The following FYN variants were observed in gnomAD, a reference collection of about 807,000 sequenced individuals.
The protein encoded by FYN is FYN proto-oncogene, Src family tyrosine kinase.
In FYN, 10 loss-of-function variants were observed where a neutral mutation model predicts 70.2. The observed-to-expected ratio is 0.14, with a 90% confidence interval of 0.09 to 0.24. The LOEUF is 0.24. Among genes scored for constraint, FYN ranks in the 10% least tolerant of loss-of-function variants. The pLI is 1.00. For synonymous variants in FYN, 236 were observed against 248.6 expected (o/e 0.95, Z 0.48); for missense variants, 319 against 673.1 (o/e 0.47, Z 5.82).
chr6:111,805,702 C>G (rs766323881), intron 2 of FYN, among the ~76,000 whole-genome samples: 1 of 152,170 alleles, frequency 6.6e-6, no homozygotes, highest in African/African-American at 2.4e-5. Context: ...TCCCCCTTCC[C>G]TTGGTTGAAC....
chr6:111,713,847 T>C (rs804183), intron 5 of FYN, among the ~76,000 whole-genome samples: 59,479 of 152,162 alleles, frequency 0.39, 16,444 homozygotes, highest in African/African-American at 0.78. Context: ...CCCAAATTTT[T>C]GTTATAGGGA....
chr6:111,699,754 G>A, intron 9 of FYN: 1 of 1,320,046 alleles, frequency 7.6e-7, no homozygotes, highest in Non-Finnish European at 1.0e-6. Flanking sequence ...AAGGTGACTT[G>A]CCCGTTAGGA....
intron 4 of FYN, among the ~76,000 whole-genome samples, chr6:111,717,753 T>C (rs1325377135): frequency 6.6e-6 from 1 of 152,188 alleles, no homozygotes; most frequent in Non-Finnish European, 1.5e-5. Flanking sequence ...CATGAGCTAC[T>C]GCACCCGGCC....
chr6:111,833,200 G>GT (rs1429021167), intron 2 of FYN, among the ~76,000 whole-genome samples: 5 of 152,122 alleles, frequency 3.3e-5, no homozygotes, highest in African/African-American at 4.8e-5. Flanking sequence ...CTCAGGTCAA[G>GT]TGAATGAGCA....
intron 2 of FYN, among the ~76,000 whole-genome samples, chr6:111,826,473 T>C (rs890703632): frequency 2.6e-5 from 4 of 152,212 alleles, no homozygotes; most frequent in Non-Finnish European, 5.9e-5. Flanking sequence ...TGTTTATCCC[T>C]TCTACATTCA....
In FYN at chr6:111,792,254, T is replaced by A. The variant is rs558600941; in HGVS notation, c.-81-11619A>T. On this transcript the variant is annotated intron_variant, in intron 2 of 13. Transcript: ENST00000354650. ...ATAAACATATAAAAAGATGCTCTAA[T>A]TCAGCCATCAAATAAAAGCAAATTA... Among the ~76,000 whole-genome samples the A allele has an allele frequency of 8.5e-5, 13 of 152,296 alleles. No individual in the cohort carries two copies. In the South Asian group the frequency reaches 2.7e-3, roughly 32 times the overall value.
chr6:111,694,583 A>C lies in FYN; in HGVS notation c.1119+45T>G, dbSNP rs1410249260. The C allele has an allele frequency of 6.2e-7, 1 of 1,613,794 alleles. No individual in the cohort carries two copies. The highest frequency in any genetic ancestry group is 8.5e-7 in the Non-Finnish European group (1 of 1,179,752). On this transcript the variant is annotated intron_variant, in intron 11 of 13. Transcript: ENST00000354650. This position sits in a 1 kb window ranked among gnomAD's most constrained non-coding sequence, Gnocchi z 5.0. ...ACACCACGACCCAATGTACTTAGAC[A>C]CGTCATTAAATCTATGGCACATCAA... is the stretch of plus-strand genomic sequence containing the variant.
At chr6:111,739,913 T>C (rs1801880866) in intron 3 of FYN, among the ~76,000 whole-genome samples, 1 of 152,184 alleles carries the variant, frequency 6.6e-6, no homozygotes, top group Non-Finnish European at 1.5e-5. Context: ...AACCTCTGTC[T>C]CCTGGGTTCA....
chr6:111,796,232 T>C (rs1198861394), intron 2 of FYN, among the ~76,000 whole-genome samples: 1 of 152,242 alleles, frequency 6.6e-6, no homozygotes, highest in African/African-American at 2.4e-5. Context: ...CCAATCTAAG[T>C]ACAGCCATGT....
At chr6:111,748,717 A>G (rs908709055) in intron 3 of FYN, among the ~76,000 whole-genome samples, 4 of 152,208 alleles carry the variant, frequency 2.6e-5, no homozygotes, top group Non-Finnish European at 4.4e-5. Context: ...AAAGAATGTA[A>G]AATGTTTAAT....
chr6:111,725,597 G>A (rs1399940038), intron 3 of FYN, among the ~76,000 whole-genome samples: 1 of 152,190 alleles, frequency 6.6e-6, no homozygotes, highest in African/African-American at 2.4e-5. Flanking sequence ...TGGCCCTCTG[G>A]AGATGTTAAT....
intron 2 of FYN, among the ~76,000 whole-genome samples, chr6:111,800,047 A>G (rs1247255308): frequency 6.6e-6 from 1 of 152,150 alleles, no homozygotes; most frequent in Non-Finnish European, 1.5e-5. Context: ...TTAAAAAGGG[A>G]GTTGTAAAAA....
intron 3 of FYN, among the ~76,000 whole-genome samples, chr6:111,766,082 G>GAA (rs1373621550): frequency 5.3e-5 from 8 of 152,168 alleles, no homozygotes; most frequent in Admixed American, 2.0e-4. Flanking sequence ...TGTAAAAAGG[G>GAA]AAAAGTGAAG....
At chr6:111,765,691 A>G (rs1803202880) in intron 3 of FYN, among the ~76,000 whole-genome samples, 1 of 152,070 alleles carries the variant, frequency 6.6e-6, no homozygotes, top group African/African-American at 2.4e-5. Flanking sequence ...CTGGACACAG[A>G]GGTGAATTTT....
rs1420601666 is a variant in FYN, at chr6:111,800,798, C to G, written c.-81-20163G>C. Reference sequence around the variant, plus strand: ...TCCTGCCCACATCTCCAGTTCTCTCCTCAACTCTTCTCATGGGAAATCAAA... The same window carrying G: ...TCCTGCCCACATCTCCAGTTCTCTCGTCAACTCTTCTCATGGGAAATCAAA... On this transcript the variant is annotated intron_variant, in intron 2 of 13. Coordinates refer to ENST00000354650, the MANE Select transcript of FYN (RefSeq NM_002037.5). 3.3e-5 allele frequency among the ~76,000 whole-genome samples: 5 copies of G among 152,314 alleles called. No homozygotes were observed. The East Asian group carries it at 9.7e-4, about 29-fold the overall frequency.
At chr6:111,861,004 G>C (rs918313231) in intron 1 of FYN, among the ~76,000 whole-genome samples, 1 of 152,192 alleles carries the variant, frequency 6.6e-6, no homozygotes, top group Admixed American at 6.5e-5. Flanking sequence ...CAGAACATAA[G>C]GGGGAATCTA....
At chr6:111,765,020 C>T (rs760787924) in intron 3 of FYN, among the ~76,000 whole-genome samples, 3 of 151,858 alleles carry the variant, frequency 2.0e-5, no homozygotes, top group East Asian at 3.9e-4. Context: ...TGGGATCATG[C>T]GGAGGCAGCT....
intron 3 of FYN, among the ~76,000 whole-genome samples, chr6:111,749,172 T>C (rs1322775813): frequency 1.3e-5 from 2 of 152,174 alleles, no homozygotes; most frequent in Non-Finnish European, 2.9e-5. Flanking sequence ...GGCAAATTCC[T>C]TAGGGCAGGT....
chr6:111,835,042 A>T (rs1773134362), intron 2 of FYN, among the ~76,000 whole-genome samples: 1 of 152,226 alleles, frequency 6.6e-6, no homozygotes. Context: ...GAATTTAGAC[A>T]AAATAGGAAT....
Sources: gnomAD v4.1 joint callset for allele counts (sites outside exome capture counted in the v4.1 genomes callset) on GRCh38, gnomAD v4.1.1 for gene constraint, Gnocchi (gnomAD v3.1) non-coding constraint, MANE v1.5 for transcripts, NCBI Gene and HGNC (gene_info 2026-07-23, HGNC 2026-07-21) for gene names.